MCC: variants seen among roughly 807,000 people sequenced by gnomAD.
MCC encodes MCC regulator of Wnt signaling pathway.
MCC carries 90 observed loss-of-function variants against 116.2 expected under a neutral mutation model. The observed-to-expected ratio is 0.77, with a 90% CI of 0.65 to 0.92. The LOEUF (loss-of-function observed/expected upper bound fraction) is 0.92. Ranked by LOEUF, MCC falls within the 40% of genes least tolerant of loss-of-function variation. The pLI, the probability that MCC is intolerant of heterozygous loss-of-function variation, is 0.00. For missense variants in MCC, 1,516 were observed against 1,312.2 expected, an observed-to-expected ratio of 1.16 and a Z score of -2.40; for synonymous variants, 578 against 510.5, an observed-to-expected ratio of 1.13 and a Z score of -1.78.
intron 3 of MCC, among the ~76,000 whole-genome samples, chr5:113,304,584 C>G (rs1203020578): frequency 6.6e-6 from 1 of 152,200 alleles, no homozygotes; most frequent in Non-Finnish European, 1.5e-5. Context: ...TCAAATACCC[C>G]TTCACTGTCT....
At chr5:113,233,362 T>C (rs1764008091) in intron 3 of MCC, among the ~76,000 whole-genome samples, 1 of 152,216 alleles carries the variant, frequency 6.6e-6, no homozygotes, top group East Asian at 1.9e-4. Context: ...GCATCTCAAA[T>C]GTCTACCCCA....
rs528013969 is a variant in MCC at position 113,392,396 on chromosome 5, T to C, written c.171-7184A>G. Among the ~76,000 whole-genome samples, 4 of 152,274 alleles carry C rather than the reference T, an allele frequency of 2.6e-5. No homozygotes were observed. The East Asian group carries it at 7.7e-4, about 29-fold the overall frequency. ...AACTGGATGCCATTTTAGTATCTAA[T>C]GGATTGCCAAAAACATTAGTCTTAC... is the stretch of plus-strand genomic sequence containing the variant. On this transcript the variant is annotated intron_variant, in intron 1 of 18. Coordinates refer to ENST00000408903, the MANE Select transcript of MCC (RefSeq NM_001085377.2).
chr5:113,239,411 G>A (rs1258824753), intron 3 of MCC, among the ~76,000 whole-genome samples: 1 of 152,084 alleles, frequency 6.6e-6, no homozygotes, highest in African/African-American at 2.4e-5. Context: ...TCTCCAGGGG[G>A]TCCTCGCATG....
At chr5:113,314,341 T>G (rs1767223450) in intron 3 of MCC, among the ~76,000 whole-genome samples, 1 of 152,338 alleles carries the variant, frequency 6.6e-6, no homozygotes, top group East Asian at 1.9e-4. Context: ...TGGATGACTG[T>G]GTCCTTCAGT....
At chr5:113,272,202 A>C (rs1245351946) in intron 3 of MCC, among the ~76,000 whole-genome samples, 1 of 152,190 alleles carries the variant, frequency 6.6e-6, no homozygotes, top group Non-Finnish European at 1.5e-5. Context: ...CAGGCAAGTT[A>C]TTTAACTTCT....
In MCC at chr5:113,199,990, A is replaced by T. The variant is rs552970751; in HGVS notation, c.628-48568T>A. Among the ~76,000 whole-genome samples the T allele has an allele frequency of 7.0e-3, 1,020 of 146,326 alleles. 14 individuals are homozygous for T. Among genetic ancestry groups the T allele is most frequent in the African/African-American group, 0.024 (942 of 39,014 alleles). On this transcript the variant is annotated intron_variant, in intron 3 of 18. Transcript: ENST00000408903. The stretch of plus-strand genomic sequence containing the variant: ...CTGAAACAGAATTTTTATTTTTAGG[A>T]ACCGTGTGTGAGACACTAGAATGAT...
intron 3 of MCC, among the ~76,000 whole-genome samples, chr5:113,248,801 A>T (rs1208620051): frequency 6.7e-6 from 1 of 150,292 alleles, no homozygotes; most frequent in Admixed American, 6.7e-5. Context: ...CTCAGTGCAC[A>T]TGCTGCATGT....
intron 4 of MCC, among the ~76,000 whole-genome samples, chr5:113,146,145 C>A (rs906876526): frequency 1.3e-5 from 2 of 152,118 alleles, no homozygotes; most frequent in African/African-American, 4.8e-5. Context: ...CAATGTAGTA[C>A]TATAATGTAA....
At chr5:113,081,146 T>C (rs1324530966) in intron 11 of MCC, among the ~76,000 whole-genome samples, 2 of 152,010 alleles carry the variant, frequency 1.3e-5, no homozygotes, top group African/African-American at 2.4e-5. Context: ...AACTTTGAGG[T>C]AGTTAGAATA....
intron 1 of MCC, among the ~76,000 whole-genome samples, chr5:113,472,708 G>T (rs1772126104): frequency 6.6e-6 from 1 of 152,126 alleles, no homozygotes; most frequent in African/African-American, 2.4e-5. Flanking sequence ...AACAAATAAG[G>T]AGCTTTAACT....
At chr5:113,275,115 C>T (rs1008182021) in intron 3 of MCC, among the ~76,000 whole-genome samples, 2 of 152,134 alleles carry the variant, frequency 1.3e-5, no homozygotes, top group South Asian at 4.1e-4. Flanking sequence ...TCCAGCCAGT[C>T]CATCGCGCGG....
chr5:113,251,079 G>T (rs1057342418), intron 3 of MCC, among the ~76,000 whole-genome samples: 2 of 152,124 alleles, frequency 1.3e-5, no homozygotes, highest in African/African-American at 2.4e-5. Flanking sequence ...GTTCTATTTG[G>T]CCTCACTTTT....
Position 113,053,714 on chromosome 5 carries a change from CCA to C in MCC, c.2448+9_2448+10del. ...TGGCAGCCTAGCACATGGGACCCAC[CCA>C]CCACATACCTTCATGGCCATGAGCT... On this transcript the variant is annotated intron_variant, in intron 15 of 18. Transcript: ENST00000408903. The C allele has an allele frequency of 6.3e-7, 1 of 1,591,572 alleles. No homozygotes were observed. The highest frequency in any genetic ancestry group is 8.6e-7 in the Non-Finnish European group (1 of 1,160,988).
chr5:113,412,618 T>G (rs1770023129), intron 1 of MCC, among the ~76,000 whole-genome samples: 1 of 152,208 alleles, frequency 6.6e-6, no homozygotes, highest in African/African-American at 2.4e-5. Flanking sequence ...TGCACACTGA[T>G]TTTGTATACT....
intron 1 of MCC, among the ~76,000 whole-genome samples, chr5:113,404,845 C>G (rs1350203981): frequency 1.3e-5 from 2 of 151,846 alleles, no homozygotes; most frequent in Non-Finnish European, 2.9e-5. Context: ...CAGATCAGTG[C>G]GTGTCATACA....
In MCC at chr5:113,312,063, G is replaced by A. The variant is rs149876457; in HGVS notation, c.627+28456C>T. 6.3e-3 allele frequency among the ~76,000 whole-genome samples: 961 copies of A among 151,888 alleles called. 8 individuals carry two copies. Among genetic ancestry groups the A allele is most frequent in the African/African-American group, 0.022 (895 of 41,418 alleles). On this transcript the variant is annotated intron_variant, in intron 3 of 18. Transcript: ENST00000408903. ...AGAGTTTGCAGTGAGCCGAGGTCGC[G>A]CCACTGCACTCCAGCCTGGCTGACA...
intron 3 of MCC, among the ~76,000 whole-genome samples, chr5:113,241,692 C>A (rs753284169): frequency 2.0e-5 from 3 of 152,150 alleles, no homozygotes; most frequent in Non-Finnish European, 2.9e-5. Flanking sequence ...CAGGCTTTGA[C>A]TGAAATCAAA....
intron 17 of MCC, among the ~76,000 whole-genome samples, chr5:113,039,720 C>CA (rs1004525580): frequency 6.8e-6 from 1 of 147,672 alleles, no homozygotes; most frequent in African/African-American, 2.5e-5. Flanking sequence ...CGCCCCCCCC[C>CA]CCAACCCACC....
chr5:113,246,625 G>A (rs12518849), intron 3 of MCC, among the ~76,000 whole-genome samples: 24,129 of 152,186 alleles, frequency 0.16, 2,256 homozygotes, highest in Admixed American at 0.29. Context: ...AATCCCAGGC[G>A]GAGATACTGT....
Sources: allele counts gnomAD v4.1 joint callset (sites outside exome capture counted in the v4.1 genomes callset), GRCh38; gene constraint gnomAD v4.1.1; transcripts MANE v1.5; gene names NCBI Gene and HGNC (gene_info 2026-07-23, HGNC 2026-07-21).